The following SSC4D variants were observed in gnomAD, a reference collection of about 807,000 sequenced individuals.
The protein encoded by SSC4D is scavenger receptor cysteine-rich domain-containing group B protein.
A neutral mutation model predicts 63.4 loss-of-function variants in SSC4D; 57 were observed. The observed-to-expected ratio is 0.90, with a 90% CI of 0.73 to 1.12. The LOEUF is 1.12. SSC4D is among the 50% of genes most tolerant of loss of function. SSC4D has a pLI of 0.00. For missense variants in SSC4D, 791 were observed against 806.4 expected, an observed-to-expected ratio of 0.98 and a Z score of 0.23; for synonymous variants, 352 against 345.4, an observed-to-expected ratio of 1.02 and a Z score of -0.21.
intron 6 of SSC4D, 93 bp downstream of exon 6, chr7:76,397,425 C>T: frequency 2.9e-6 from 4 of 1,392,448 alleles, no homozygotes; most frequent in South Asian, 3.0e-5. Context: ...ACACCCTCCC[C>T]ATCCACCTCC....
Position 76,398,780 on chromosome 7 carries a change from G to A in SSC4D, c.493C>T (p.Pro165Ser). 2 of 1,612,840 alleles carry A rather than the reference G, an allele frequency of 1.2e-6. No homozygotes were observed. The highest frequency in any genetic ancestry group is 1.7e-6 in the Non-Finnish European group (2 of 1,179,238). Residue 165 changes from proline (P) to serine (S), a missense_variant, in exon 5 of 11, where the codon CCC becomes TCC. Transcript: ENST00000275560. ...VLCDEFLPTQ[P>S]PTRKMLTSRA... Reference sequence around the variant, plus strand: ...CTGGTTAACATCTTCCTTGTTGGGGGCTGCGTTGGCAAGAATTCTGGAAAG... The same window carrying A: ...CTGGTTAACATCTTCCTTGTTGGGGACTGCGTTGGCAAGAATTCTGGAAAG...
chr7:76,397,528 C>G lies in SSC4D; in HGVS notation c.858G>C (p.Ala286=), dbSNP rs760105811. The stretch of plus-strand genomic sequence containing the variant: ...CCCTAGAGCCCGCACCTGCGCAGAG[C>G]GCGCCCGCGTCCTCGTGGTGGCCGC... The part of the protein sequence containing the change: ...HNCGHHEDAG[A]LCAGLGPPTL... The change falls in exon 6 of 11, where the codon GCG becomes GCC. Residue 286 remains alanine (A), a synonymous_variant. Transcript: ENST00000275560. The G allele has an allele frequency of 9.6e-6, 15 of 1,561,850 alleles. No individual in the cohort carries two copies. Among genetic ancestry groups the G allele is most frequent in the Admixed American group, 1.9e-5 (1 of 52,508 alleles).
rs1269219247 is a variant in SSC4D at position 76,401,000 on chromosome 7, G to T, written c.169+8C>A. On this transcript the variant is annotated splice_region_variant and intron_variant, in intron 3 of 10. Transcript: ENST00000275560. ...TGAGGGTGAGGAAGGGCGGGGTGGG[G>T]CACCTACCTTGAAAGGGCAGTGGAG... 1 of 1,550,794 alleles carries T rather than the reference G, an allele frequency of 6.4e-7. No homozygotes were observed. Among genetic ancestry groups the T allele is most frequent in the East Asian group, 2.4e-5 (1 of 40,860 alleles).
At position 76,400,349 on chromosome 7, in the gene SSC4D, C is replaced by T. The variant is rs202242854; in HGVS notation, c.412G>A (p.Gly138Ser). Residue 138 changes from glycine to serine, a missense_variant, in exon 4 of 11, where the codon GGC becomes AGC. Coordinates refer to ENST00000275560, the MANE Select transcript of SSC4D (RefSeq NM_080744.2). ...TTGTGGACGCCCCAGCCGCGGCTGC[C>T]GCACTCGCTCAGCGCAGCTTCCTGC... ...RGQEAALSEC[G>S]SRGWGVHNCF... 2.2e-5 allele frequency: 34 copies of T among 1,536,040 alleles called. No homozygotes were observed. The highest frequency in any genetic ancestry group is 7.3e-5 in the East Asian group (3 of 41,140).
Position 76,392,028 on chromosome 7 carries a change from C to A in SSC4D, c.1347G>T (p.Leu449=). The A allele has an allele frequency of 6.3e-7, 1 of 1,577,088 alleles. No individual in the cohort carries two copies. The highest frequency in any genetic ancestry group is 2.3e-5 in the East Asian group (1 of 43,218). The part of the protein sequence containing the change: ...AGALCAGPEE[L]GLQVQQDGSE... Reference sequence around the variant, plus strand: ...AACCATCCTGCTGGACTTGCAGTCCCAGCTCCTCTGGGCCTGGTTCAGGAA... The same window carrying A: ...AACCATCCTGCTGGACTTGCAGTCCAAGCTCCTCTGGGCCTGGTTCAGGAA... Residue 449 remains leucine (L), a synonymous_variant, in exon 10 of 11, where the codon CTG becomes CTT. Coordinates refer to ENST00000275560, the MANE Select transcript of SSC4D (RefSeq NM_080744.2).
rs1554622698 is a variant in SSC4D at position 76,405,323 on chromosome 7, T to TTTC, written c.-66-819_-66-818insGAA. 4.6e-3 allele frequency among the ~76,000 whole-genome samples: 133 copies of TTTC among 29,152 alleles called. 5 individuals are homozygous for TTTC. Among genetic ancestry groups the TTTC allele is most frequent in the African/African-American group, 0.016 (77 of 4,910 alleles). 19.1% of individuals were successfully genotyped at this position (29,152 alleles called of 152,430 possible). On this transcript the variant is annotated intron_variant, in intron 1 of 10. Coordinates refer to ENST00000275560, the MANE Select transcript of SSC4D (RefSeq NM_080744.2). ...TATATATATATATATATATGTATTT[T>TTTC]TTTCTTTCTTTCTTTCTTTTTTTTT...
At chr7:76,401,081 C>A in intron 2 of SSC4D, 38 bp from the exon 3 acceptor site, 1 of 1,511,412 alleles carries the variant, frequency 6.6e-7, no homozygotes, top group Non-Finnish European at 8.9e-7. Context: ...CCCCTCTGCC[C>A]ACACCATGGC....
chr7:76,402,825 G>C (rs1022965835), intron 2 of SSC4D, among the ~76,000 whole-genome samples: 2 of 151,872 alleles, frequency 1.3e-5, no homozygotes, highest in African/African-American at 4.8e-5. Flanking sequence ...ATACCACCAT[G>C]CCTGGCTAAT....
intron 3 of SSC4D, 35 bp downstream of exon 3, chr7:76,400,973 G>A (rs1167521346): frequency 1.3e-6 from 2 of 1,551,176 alleles, no homozygotes; most frequent in South Asian, 1.2e-5. Flanking sequence ...CTGGCGGACA[G>A]GTGAGGGTGA....
intron 1 of SSC4D, among the ~76,000 whole-genome samples, chr7:76,409,167 G>A (rs1805148373): frequency 6.6e-6 from 1 of 152,042 alleles, no homozygotes; most frequent in African/African-American, 2.4e-5. Flanking sequence ...GGCACAGGGT[G>A]GATACTCAGG....
chr7:76,397,486 C>G, intron 6 of SSC4D, 32 bp downstream of exon 6: 1 of 1,455,998 alleles, frequency 6.9e-7, no homozygotes, highest in East Asian at 2.5e-5. Flanking sequence ...CCCACCTGCC[C>G]CGGCCCCGCC....
At position 76,400,969 on chromosome 7, in the gene SSC4D, G is replaced by C. The variant is rs902538807; in HGVS notation, c.169+39C>G. The C allele has an allele frequency of 5.2e-6, 8 of 1,551,154 alleles. No individual in the cohort carries two copies. In the Admixed American group the frequency reaches 1.6e-4, roughly 30 times the overall value. On this transcript the variant is annotated intron_variant, in intron 3 of 10. Transcript: ENST00000275560. ...CTGTCTGAGGCTGGAGTACCTGGCG[G>C]ACAGGTGAGGGTGAGGAAGGGCGGG...
chr7:76,402,596 G>A (rs1804867479), intron 2 of SSC4D, among the ~76,000 whole-genome samples: 1 of 152,122 alleles, frequency 6.6e-6, no homozygotes, highest in Non-Finnish European at 1.5e-5. Flanking sequence ...TAGAATTACA[G>A]GTGTGAGCCA....
At chr7:76,403,450 G>A (rs527548020) in intron 2 of SSC4D, among the ~76,000 whole-genome samples, 1 of 151,252 alleles carries the variant, frequency 6.6e-6, no homozygotes, top group African/African-American at 2.4e-5. Context: ...CAATTCTCCT[G>A]CCTCAGCCTC....
Position 76,393,736 on chromosome 7 carries a change from G to A in SSC4D, c.1022-20C>T. On this transcript the variant is annotated intron_variant, in intron 8 of 10. Transcript: ENST00000275560. ...GTCCACCTGCGGGGCGCACAGGCCCGCGGCCAGAGGGGCTGGGCTGGGGCT... is the reference window on the plus strand; with the variant it reads ...GTCCACCTGCGGGGCGCACAGGCCCACGGCCAGAGGGGCTGGGCTGGGGCT... The A allele has an allele frequency of 7.1e-7, 1 of 1,413,536 alleles. No individual in the cohort carries two copies. Among genetic ancestry groups the A allele is most frequent in the Non-Finnish European group, 9.2e-7 (1 of 1,088,670 alleles). The allele number at this position is 1,413,536 out of a possible 1,614,324, so 87.6% of individuals were successfully genotyped here. A position where few individuals can be genotyped will look rare whatever the true frequency, so the allele number is the denominator to read the frequency against.
chr7:76,401,231 C>T (rs1202324162), intron 2 of SSC4D, among the ~76,000 whole-genome samples, 188 bp from the exon 3 acceptor site: 1 of 152,046 alleles, frequency 6.6e-6, no homozygotes, highest in Admixed American at 6.6e-5. Context: ...CTGCCTCACC[C>T]CTCTCCTAGT....
chr7:76,391,084 G>A (rs1558179), intron 10 of SSC4D, among the ~76,000 whole-genome samples: 34,443 of 152,058 alleles, frequency 0.23, 4,093 homozygotes, highest in East Asian at 0.32. Context: ...TGCAGTGGCC[G>A]TGATTGTGCC....
intron 9 of SSC4D, 63 bp from the exon 10 acceptor site, chr7:76,392,104 C>T (rs978950100): frequency 1.3e-6 from 2 of 1,503,504 alleles, no homozygotes; most frequent in Admixed American, 2.0e-5. Context: ...TTCCTTAGGG[C>T]CAGGTCCCCT....
At chr7:76,398,909 T>C in intron 4 of SSC4D, 112 bp from the exon 5 acceptor site, 1 of 1,071,912 alleles carries the variant, frequency 9.3e-7, no homozygotes, top group Non-Finnish European at 1.4e-6. Context: ...CCAGAGCCTC[T>C]GGCCACACAA....
Sources: gnomAD v4.1 joint callset for allele counts (sites outside exome capture counted in the v4.1 genomes callset) on GRCh38, gnomAD v4.1.1 for gene constraint, MANE v1.5 for transcripts, NCBI Gene and HGNC (gene_info 2026-07-23, HGNC 2026-07-21) for gene names.